The following ARB2A variants were observed in gnomAD, a reference collection of about 807,000 sequenced individuals.
ARB2A encodes cotranscriptional regulator ARB2A.
the ARB2A span, among the ~76,000 whole-genome samples, chr5:93,710,595 T>C: frequency 6.6e-6 from 1 of 152,190 alleles, no homozygotes; most frequent in African/African-American, 2.4e-5. Flanking sequence ...GTGACTGTAG[T>C]ATTTAAAGGG....
the ARB2A span, among the ~76,000 whole-genome samples, chr5:93,890,446 G>A: frequency 6.6e-6 from 1 of 151,650 alleles, no homozygotes. Context: ...AAAAATTAAT[G>A]AATAGACAAT....
the ARB2A span, among the ~76,000 whole-genome samples, chr5:94,103,728 T>A: frequency 6.6e-6 from 1 of 150,998 alleles, no homozygotes. Context: ...ACATTCTTCT[T>A]ATCTGCACAT....
the ARB2A span, among the ~76,000 whole-genome samples, chr5:93,829,674 C>G: frequency 1.2e-3 from 190 of 152,234 alleles, no homozygotes; most frequent in Middle Eastern, 6.8e-3. Context: ...TATTAAAATA[C>G]AAACATACTT....
the ARB2A span, among the ~76,000 whole-genome samples, chr5:93,643,827 G>A: frequency 5.3e-5 from 8 of 152,090 alleles, no homozygotes; most frequent in Non-Finnish European, 1.0e-4. Context: ...TAAGCAAATC[G>A]ATTTTAAGTT....
the ARB2A span, among the ~76,000 whole-genome samples, chr5:93,631,021 C>G: frequency 6.6e-6 from 1 of 152,128 alleles, no homozygotes; most frequent in East Asian, 1.9e-4. Context: ...GCCTCCCAAG[C>G]AGTTGGGACT....
chr5:93,913,223 GA>G, the ARB2A span, among the ~76,000 whole-genome samples: 1 of 151,826 alleles, frequency 6.6e-6, no homozygotes. Context: ...AAAGGGGCTG[GA>G]AAAGCCTCCT....
chr5:94,074,574 G>T, the ARB2A span: 8 of 1,129,240 alleles, frequency 7.1e-6, no homozygotes, highest in Non-Finnish European at 1.0e-5. Flanking sequence ...ATGAATGGAA[G>T]GTCACCTAAA....
chr5:94,064,851 T>C, the ARB2A span, among the ~76,000 whole-genome samples: 2 of 152,168 alleles, frequency 1.3e-5, no homozygotes, highest in Admixed American at 1.3e-4. Flanking sequence ...ATCTTAAACC[T>C]GGATGCAAAG....
chr5:93,831,188 T>C, the ARB2A span, among the ~76,000 whole-genome samples: 4 of 151,928 alleles, frequency 2.6e-5, no homozygotes, highest in Non-Finnish European at 4.4e-5. Flanking sequence ...GGCCATGGAC[T>C]GGTACCCATC....
the ARB2A span, chr5:93,964,502 C>T: frequency 1.2e-4 from 190 of 1,581,402 alleles, no homozygotes; most frequent in South Asian, 1.9e-3. Flanking sequence ...TCCAGGAGCT[C>T]ATATACATAC....
At chr5:93,846,944 AC>A in the ARB2A span, among the ~76,000 whole-genome samples, 2 of 152,168 alleles carry the variant, frequency 1.3e-5, no homozygotes, top group Non-Finnish European at 2.9e-5. Context: ...TGTAGTATGA[AC>A]CATTGTTTGA....
chr5:93,747,092 C>T, the ARB2A span, among the ~76,000 whole-genome samples: 21 of 151,872 alleles, frequency 1.4e-4, no homozygotes, highest in East Asian at 2.3e-3. Flanking sequence ...ACTGGTTTAA[C>T]GAAAAATTTT....
chr5:94,094,751 G>T, the ARB2A span, among the ~76,000 whole-genome samples: 1 of 152,094 alleles, frequency 6.6e-6, no homozygotes, highest in Non-Finnish European at 1.5e-5. Context: ...GTCCACAAAA[G>T]AAACTACCCC....
chr5:93,877,917 G>A, the ARB2A span, among the ~76,000 whole-genome samples: 2 of 152,112 alleles, frequency 1.3e-5, no homozygotes, highest in African/African-American at 4.8e-5. Context: ...GAGCAAATGT[G>A]TAACACAGAA....
chr5:93,742,879 T>G, the ARB2A span: 1 of 152,182 alleles, frequency 6.6e-6, no homozygotes, highest in South Asian at 2.1e-4. Flanking sequence ...CTGCCCCAAG[T>G]CAAATTCATT....
At chr5:93,967,015 T>TA in the ARB2A span, among the ~76,000 whole-genome samples, 1,515 of 140,166 alleles carry the variant, frequency 0.011, 5 homozygotes, top group African/African-American at 0.017. Flanking sequence ...GTTCAAGATT[T>TA]AAAAAAAAAA....
the ARB2A span, among the ~76,000 whole-genome samples, chr5:93,702,756 G>A: frequency 2.6e-5 from 4 of 151,998 alleles, no homozygotes; most frequent in Non-Finnish European, 5.9e-5. Context: ...ACTTCCCTGG[G>A]TTCTCAGATG....
the ARB2A span, among the ~76,000 whole-genome samples, chr5:93,971,077 C>T: frequency 6.6e-6 from 1 of 151,864 alleles, no homozygotes; most frequent in Non-Finnish European, 1.5e-5. Context: ...CAGCTCACTG[C>T]AAGCTCTGTC....
At chr5:93,771,353 T>G in the ARB2A span, among the ~76,000 whole-genome samples, 3 of 151,706 alleles carry the variant, frequency 2.0e-5, no homozygotes, top group South Asian at 4.2e-4. Flanking sequence ...ATAAAAACCC[T>G]AGAAGAAAAC....
Sources: allele counts gnomAD v4.1 joint callset (sites outside exome capture counted in the v4.1 genomes callset), GRCh38; gene constraint gnomAD v4.1.1; transcripts MANE v1.5; gene names NCBI Gene and HGNC (gene_info 2026-07-23, HGNC 2026-07-21).